DOCK1: variants seen among roughly 807,000 people sequenced by gnomAD.
DOCK1 encodes the protein dedicator of cytokinesis 1, also known as dedicator of cytokinesis protein 1.
A neutral mutation model predicts 262.7 loss-of-function variants in DOCK1; 138 were observed. The ratio of observed to expected loss-of-function variants is 0.53; its 90% CI spans 0.46 to 0.61. DOCK1 has a LOEUF of 0.61. Among genes scored for constraint, DOCK1 ranks in the 20% least tolerant of loss-of-function variants. The pLI, the probability that DOCK1 is intolerant of heterozygous loss-of-function variation, is 0.00. For missense variants in DOCK1, 1,908 were observed against 2,370.7 expected (o/e 0.80, Z 4.05); for synonymous variants, 866 against 867.4 (o/e 1.00, Z 0.03).
chr10:126,994,170 T>A (rs2040001776), intron 6 of DOCK1, among the ~76,000 whole-genome samples: 1 of 152,196 alleles, frequency 6.6e-6, no homozygotes, highest in Non-Finnish European at 1.5e-5. Context: ...CAGAACCTAC[T>A]GCCAGATCAC....
intron 26 of DOCK1, 59 bp from the exon 27 acceptor site, chr10:127,127,610 T>A: frequency 2.2e-6 from 3 of 1,372,760 alleles, no homozygotes; most frequent in Non-Finnish European, 3.1e-6. Context: ...TGACAACCAC[T>A]GGGGCTTGCA....
chr10:126,911,960 G>T (rs1246344424), intron 1 of DOCK1, among the ~76,000 whole-genome samples: 2 of 152,148 alleles, frequency 1.3e-5, no homozygotes, highest in African/African-American at 4.8e-5. Context: ...CACAAGACAG[G>T]GTGGCTTAAC....
intron 29 of DOCK1, among the ~76,000 whole-genome samples, chr10:127,308,585 T>G (rs10829733): frequency 0.15 from 22,711 of 152,110 alleles, 1,931 homozygotes; most frequent in East Asian, 0.24. Flanking sequence ...TCCCTCCCCT[T>G]GCTGCCAACC....
intron 13 of DOCK1, among the ~76,000 whole-genome samples, chr10:127,022,922 C>T (rs908694333): frequency 2.6e-5 from 4 of 152,088 alleles, no homozygotes; most frequent in Non-Finnish European, 4.4e-5. Context: ...CTCTGGTTGT[C>T]GGCTACCCTG....
rs1379599262 is a variant in DOCK1, at chr10:127,175,640, C to T, written c.2847+47876C>T. 2 of 1,613,204 alleles carry T rather than the reference C, an allele frequency of 1.2e-6. No homozygotes were observed. Among genetic ancestry groups the T allele is most frequent in the African/African-American group, 1.3e-5 (1 of 74,892 alleles). On this transcript the variant is annotated intron_variant, in intron 27 of 51. Transcript: ENST00000623213. This position sits in a 1 kb window ranked among gnomAD's most constrained non-coding sequence, Gnocchi z 6.3. ...GGGCAGGTGCGTAAACGGTGGCAAC[C>T]TCCGTTTTAAACACCCTCCTGAGGG...
At chr10:127,154,293 C>T (rs1389465320) in intron 27 of DOCK1, among the ~76,000 whole-genome samples, 1 of 152,212 alleles carries the variant, frequency 6.6e-6, no homozygotes, top group Non-Finnish European at 1.5e-5. Flanking sequence ...CTTATGTTTG[C>T]TCTACCCCAC....
chr10:127,346,145 G>T (rs539499783), intron 31 of DOCK1, among the ~76,000 whole-genome samples: 1 of 152,310 alleles, frequency 6.6e-6, no homozygotes, highest in East Asian at 1.9e-4. Flanking sequence ...AGATGCCTGC[G>T]GGAGAAGAGA....
intron 27 of DOCK1, among the ~76,000 whole-genome samples, chr10:127,214,289 C>A (rs759530720): frequency 6.6e-6 from 1 of 152,134 alleles, no homozygotes; most frequent in Non-Finnish European, 1.5e-5. Flanking sequence ...CTGTGCACGT[C>A]TTCTTCTTTG....
chr10:127,203,225 A>C (rs1222488726), intron 27 of DOCK1, among the ~76,000 whole-genome samples: 1 of 152,216 alleles, frequency 6.6e-6, no homozygotes, highest in Non-Finnish European at 1.5e-5. Context: ...TTCTGGTGCC[A>C]TGTATAATGG....
chr10:127,446,584 G>A lies in DOCK1; in HGVS notation c.5414-810G>A, dbSNP rs145371799. On this transcript the variant is annotated intron_variant, in intron 50 of 51. Transcript: ENST00000623213. This position sits in a 1 kb window ranked among gnomAD's most constrained non-coding sequence, Gnocchi z 4.4. ...GGCAGAGCTTCCTTATAAGCTTACAGTGTGGCCTTCCTAGCATGCATTTTC... is the reference window on the plus strand; with the variant it reads ...GGCAGAGCTTCCTTATAAGCTTACAATGTGGCCTTCCTAGCATGCATTTTC... Among the ~76,000 whole-genome samples the A allele has an allele frequency of 1.3e-4, 20 of 152,280 alleles. No homozygotes were observed. Among genetic ancestry groups the A allele is most frequent in the Non-Finnish European group, 2.1e-4 (14 of 68,022 alleles).
chr10:127,278,685 A>G (rs1739433222), intron 29 of DOCK1, among the ~76,000 whole-genome samples: 1 of 152,242 alleles, frequency 6.6e-6, no homozygotes, highest in South Asian at 2.1e-4. Context: ...GGAGGCAAAG[A>G]GAGGAGGAGA....
intron 27 of DOCK1, among the ~76,000 whole-genome samples, chr10:127,240,979 G>A (rs564027391): frequency 6.6e-6 from 1 of 152,170 alleles, no homozygotes; most frequent in Non-Finnish European, 1.5e-5. Flanking sequence ...AGGAATATAA[G>A]GAAGATATGA....
chr10:127,117,455 G>A (rs2050811), intron 25 of DOCK1, among the ~76,000 whole-genome samples: 5,795 of 152,230 alleles, frequency 0.038, 141 homozygotes, highest in Middle Eastern at 0.061. Flanking sequence ...AATGCCATAT[G>A]GAGCAAGACA....
At chr10:127,447,076 G>A (rs2070614960) in intron 50 of DOCK1, among the ~76,000 whole-genome samples, 1 of 152,194 alleles carries the variant, frequency 6.6e-6, no homozygotes, top group Admixed American at 6.5e-5. Context: ...CACCGAGGCA[G>A]GGGGCCCGAG....
intron 49 of DOCK1, among the ~76,000 whole-genome samples, chr10:127,442,116 C>T (rs755325436): frequency 6.6e-6 from 1 of 152,184 alleles, no homozygotes; most frequent in Non-Finnish European, 1.5e-5. Flanking sequence ...TTGGCTCCCC[C>T]GACAGCACAG....
chr10:126,945,995 CTTTT>C (rs2035369438), intron 1 of DOCK1, among the ~76,000 whole-genome samples: 1 of 152,182 alleles, frequency 6.6e-6, no homozygotes, highest in Non-Finnish European at 1.5e-5. Flanking sequence ...GCTCTGGACT[CTTTT>C]TAAACAGCTT....
At position 127,031,833 on chromosome 10, in the gene DOCK1, T is replaced by C. The variant is rs1023982927; in HGVS notation, c.1728+80T>C. On this transcript the variant is annotated intron_variant, in intron 17 of 51. Coordinates refer to ENST00000623213, the MANE Select transcript of DOCK1 (RefSeq NM_001290223.2). ...GGGCTCCCTGACCTGGACCAACCTT[T>C]CCCATCATTGTGAGGAAGCTGCTAT... 71 of 1,265,908 alleles carry C rather than the reference T, an allele frequency of 5.6e-5. No individual in the cohort carries two copies. In the African/African-American group the frequency reaches 1.0e-3, roughly 18 times the overall value. The allele number at this position is 1,265,908 out of a possible 1,614,324, so 78.4% of individuals were successfully genotyped here.
At chr10:127,271,210 G>A (rs1386750878) in intron 29 of DOCK1, among the ~76,000 whole-genome samples, 1 of 152,020 alleles carries the variant, frequency 6.6e-6, no homozygotes, top group Non-Finnish European at 1.5e-5. Context: ...AACCTGAATG[G>A]ACTCACCTGC....
rs1337150135 is a variant in DOCK1, at chr10:127,106,389, T to G, written c.2516+88T>G. On this transcript the variant is annotated intron_variant, in intron 24 of 51. Coordinates refer to ENST00000623213, the MANE Select transcript of DOCK1 (RefSeq NM_001290223.2). The stretch of plus-strand genomic sequence containing the variant: ...TTAGTTTATGGGATGCTCAGGGTTC[T>G]GCCTCATGTCTCCATATGTCAGTGC... 5.0e-6 allele frequency: 7 copies of G among 1,413,930 alleles called. No individual in the cohort carries two copies. In the Middle Eastern group the frequency reaches 9.6e-4, roughly 193 times the overall value. 87.6% of individuals were successfully genotyped at this position (1,413,930 alleles called of 1,614,324 possible). A position where few individuals can be genotyped will look rare whatever the true frequency, so the allele number is the denominator to read the frequency against.
Sources: allele counts gnomAD v4.1 joint callset (sites outside exome capture counted in the v4.1 genomes callset), GRCh38; gene constraint gnomAD v4.1.1; non-coding constraint Gnocchi (gnomAD v3.1); transcripts MANE v1.5; gene names NCBI Gene and HGNC (gene_info 2026-07-23, HGNC 2026-07-21).